Variants in WWOX observed in about 807,000 individuals in gnomAD.
The protein encoded by WWOX is WW domain-containing oxidoreductase.
A neutral mutation model predicts 46.2 loss-of-function variants in WWOX; 69 were observed. The observed-to-expected ratio is 1.49, with a 90% CI of 1.23 to 1.82. The LOEUF is 1.82. WWOX is among the 40% of genes most tolerant of loss of function. The pLI is 0.00. For missense variants in WWOX, 919 were observed against 542.6 expected, an observed-to-expected ratio of 1.69 and a Z score of -6.89; for synonymous variants, 359 against 202.6, an observed-to-expected ratio of 1.77 and a Z score of -6.56.
At chr16:78,443,998 T>A (rs1266126468) in intron 8 of WWOX, among the ~76,000 whole-genome samples, 1 of 152,178 alleles carries the variant, frequency 6.6e-6, no homozygotes, top group Non-Finnish European at 1.5e-5. Flanking sequence ...GTGATTTTTG[T>A]ATAACTCACT....
At chr16:78,393,687 C>T (rs1164921513) in intron 6 of WWOX, among the ~76,000 whole-genome samples, 1 of 152,078 alleles carries the variant, frequency 6.6e-6, no homozygotes, top group Non-Finnish European at 1.5e-5. Flanking sequence ...ATAGGAAATT[C>T]ATATTAAAAT....
chr16:79,047,356 G>C (rs1207749387), intron 8 of WWOX, among the ~76,000 whole-genome samples: 2 of 152,170 alleles, frequency 1.3e-5, no homozygotes, highest in Non-Finnish European at 2.9e-5. Context: ...TGGTGGTTTT[G>C]CTAATGAATT....
chr16:79,165,872 C>G (rs774099457), intron 8 of WWOX, among the ~76,000 whole-genome samples: 1 of 152,184 alleles, frequency 6.6e-6, no homozygotes, highest in African/African-American at 2.4e-5. Context: ...GTCTAAGCAC[C>G]CGTCCCTCTT....
chr16:78,590,873 C>A (rs1050466285), intron 8 of WWOX, among the ~76,000 whole-genome samples: 5 of 152,108 alleles, frequency 3.3e-5, no homozygotes, highest in Non-Finnish European at 7.3e-5. Flanking sequence ...CAGACTCCAG[C>A]GTTTAGACAA....
intron 8 of WWOX, among the ~76,000 whole-genome samples, chr16:78,926,387 A>T (rs911503145): frequency 6.9e-6 from 1 of 143,982 alleles, no homozygotes; most frequent in African/African-American, 2.6e-5. Flanking sequence ...AAAAAAAAAA[A>T]GTTCCTAAGA....
intron 8 of WWOX, among the ~76,000 whole-genome samples, chr16:79,105,052 A>C (rs1292515475): frequency 4.6e-5 from 7 of 152,058 alleles, no homozygotes; most frequent in African/African-American, 1.7e-4. Flanking sequence ...CAGTTTACAA[A>C]AGTGGAAAAT....
chr16:78,492,024 C>T (rs1047322209), intron 8 of WWOX, among the ~76,000 whole-genome samples: 3 of 55,998 alleles, frequency 5.4e-5, no homozygotes, highest in African/African-American at 1.1e-4. Context: ...TCTCAATGGA[C>T]AAAGGGAGTG....
chr16:78,600,629 C>T (rs1404476926), intron 8 of WWOX, among the ~76,000 whole-genome samples: 1 of 152,242 alleles, frequency 6.6e-6, no homozygotes, highest in Middle Eastern at 3.4e-3. Flanking sequence ...TACCCTGTGG[C>T]ATGACTGAGA....
At chr16:78,722,060 G>C (rs911714868) in intron 8 of WWOX, among the ~76,000 whole-genome samples, 3 of 152,172 alleles carry the variant, frequency 2.0e-5, no homozygotes, top group Admixed American at 2.0e-4. Flanking sequence ...AAATCAAGAA[G>C]CTAAGACTTT....
At chr16:78,272,540 T>G (rs775873189) in intron 5 of WWOX, among the ~76,000 whole-genome samples, 4 of 152,182 alleles carry the variant, frequency 2.6e-5, no homozygotes, top group Non-Finnish European at 4.4e-5. Flanking sequence ...CACCTCACTT[T>G]CTTCTGGTAG....
intron 8 of WWOX, chr16:78,525,471 C>G (rs1238345986): frequency 6.6e-6 from 1 of 152,176 alleles, no homozygotes. Context: ...AGGCATTAGC[C>G]ACCACACCCG....
chr16:78,398,787 C>A (rs13334770), intron 6 of WWOX, among the ~76,000 whole-genome samples: 1,531 of 152,298 alleles, frequency 0.01, 28 homozygotes, highest in African/African-American at 0.035. Flanking sequence ...ATACTAACAC[C>A]ACTCTGGGTT....
chr16:78,952,226 C>T (rs1474345456), intron 8 of WWOX, among the ~76,000 whole-genome samples: 1 of 152,112 alleles, frequency 6.6e-6, no homozygotes, highest in Non-Finnish European at 1.5e-5. Context: ...TACTTTGCCT[C>T]TACTCAGTCT....
intron 5 of WWOX, among the ~76,000 whole-genome samples, chr16:78,302,834 C>G (rs897793543): frequency 3.3e-5 from 5 of 152,212 alleles, no homozygotes; most frequent in African/African-American, 1.2e-4. Context: ...TGCCAGCTCC[C>G]TCAGCCCCTT....
At chr16:78,517,049 G>C (rs1468168610) in intron 8 of WWOX, among the ~76,000 whole-genome samples, 2 of 152,036 alleles carry the variant, frequency 1.3e-5, no homozygotes, top group Non-Finnish European at 2.9e-5. Flanking sequence ...GCTTTATATA[G>C]TTTTTAAAGT....
At chr16:78,989,508 C>G (rs1802438741) in intron 8 of WWOX, among the ~76,000 whole-genome samples, 1 of 152,094 alleles carries the variant, frequency 6.6e-6, no homozygotes, top group South Asian at 2.1e-4. Context: ...CACCACCAGT[C>G]AAAGGTAGTG....
intron 8 of WWOX, among the ~76,000 whole-genome samples, chr16:78,467,069 C>A (rs1454856947): frequency 6.6e-6 from 1 of 152,014 alleles, no homozygotes; most frequent in African/African-American, 2.4e-5. Context: ...TATGTGTTTG[C>A]CTGTGTTATT....
At chr16:78,122,022 T>G (rs1301248025) in intron 4 of WWOX, among the ~76,000 whole-genome samples, 1 of 152,108 alleles carries the variant, frequency 6.6e-6, no homozygotes, top group Non-Finnish European at 1.5e-5. Flanking sequence ...AATACTAATT[T>G]TGAGAGAGAG....
At chr16:79,032,779 A>G (rs1340465226) in intron 8 of WWOX, among the ~76,000 whole-genome samples, 1 of 151,402 alleles carries the variant, frequency 6.6e-6, no homozygotes, top group Non-Finnish European at 1.5e-5. Flanking sequence ...TTTATATTTT[A>G]TTTTAAGTTC....
Sources: allele counts gnomAD v4.1 joint callset (sites outside exome capture counted in the v4.1 genomes callset), GRCh38; gene constraint gnomAD v4.1.1; transcripts MANE v1.5; gene names NCBI Gene and HGNC (gene_info 2026-07-23, HGNC 2026-07-21).